Variants in PTP4A2 observed in about 807,000 individuals in gnomAD.
PTP4A2 encodes protein tyrosine phosphatase 4A2.
A neutral mutation model predicts 22.9 loss-of-function variants in PTP4A2; 2 were observed. That is an observed-to-expected ratio of 0.09 (90% CI 0.04 to 0.27). The LOEUF is 0.27. Ranked by LOEUF, PTP4A2 falls within the 10% of genes least tolerant of loss-of-function variation. The pLI is 1.00. For missense variants in PTP4A2, 103 were observed against 205.1 expected (o/e 0.50, Z 3.04); for synonymous variants, 68 against 69.1 (o/e 0.98, Z 0.08).
chr1:31,907,529 T>A lies in PTP4A2; in HGVS notation c.*1323A>T, dbSNP rs1196684615. The A allele has an allele frequency of 6.6e-6, 1 of 152,144 alleles. No individual in the cohort carries two copies. Among genetic ancestry groups the A allele is most frequent in the Non-Finnish European group, 1.5e-5 (1 of 68,032 alleles). The allele number at this position is 152,144 out of a possible 1,614,324, so 9.4% of individuals were successfully genotyped here. A position where few individuals can be genotyped will look rare whatever the true frequency, so the allele number is the denominator to read the frequency against. On this transcript the variant is annotated 3_prime_UTR_variant, in exon 6 of 6. Transcript: ENST00000647444. The stretch of plus-strand genomic sequence containing the variant: ...TACCCTGTTATGGCCTGTGGACACA[T>A]ACTCACTAGGCATCATTGTTGGTTT...
intron 1 of PTP4A2, among the ~76,000 whole-genome samples, chr1:31,920,781 G>A (rs978889551): frequency 6.6e-6 from 1 of 151,862 alleles, no homozygotes. Flanking sequence ...CAGGTGATTC[G>A]CTTGCCTAGG....
At chr1:31,914,204 C>G (rs780371277) in intron 3 of PTP4A2, 1 of 450,108 alleles carries the variant, frequency 2.2e-6, no homozygotes, top group South Asian at 1.6e-5. Flanking sequence ...GTAGCTAGGA[C>G]TATAGGTGCA....
intron 1 of PTP4A2, chr1:31,921,291 A>G (rs930513444): frequency 5.3e-5 from 8 of 152,226 alleles, no homozygotes; most frequent in African/African-American, 1.9e-4. Flanking sequence ...CTGAGCCCAA[A>G]TTCAAACCCA....
chr1:31,916,294 G>C (rs568863491), intron 2 of PTP4A2, among the ~76,000 whole-genome samples: 1 of 132,482 alleles, frequency 7.5e-6, no homozygotes, highest in African/African-American at 2.9e-5. Context: ...GCAGTGAGCC[G>C]AGATCGTGCC....
intron 5 of PTP4A2, 105 bp from the exon 6 acceptor site, chr1:31,909,065 A>G: frequency 1.2e-6 from 1 of 806,426 alleles, no homozygotes; most frequent in East Asian, 2.5e-5. Flanking sequence ...CACACAGCTG[A>G]AAACCAGCAT....
At chr1:31,921,160 T>A (rs987603843) in intron 1 of PTP4A2, among the ~76,000 whole-genome samples, 2 of 152,190 alleles carry the variant, frequency 1.3e-5, no homozygotes, top group African/African-American at 4.8e-5. Flanking sequence ...ATTGATTTTT[T>A]AAAAATCATT....
chr1:31,917,059 A>T (rs1197059443), intron 2 of PTP4A2, among the ~76,000 whole-genome samples: 1 of 152,262 alleles, frequency 6.6e-6, no homozygotes, highest in Non-Finnish European at 1.5e-5. Flanking sequence ...TCCCTAACCC[A>T]GTGACTACCT....
chr1:31,923,398 G>T (rs1272561732), intron 1 of PTP4A2, among the ~76,000 whole-genome samples: 122 of 140,454 alleles, frequency 8.7e-4, no homozygotes, highest in Admixed American at 4.6e-3. Flanking sequence ...GCAGTGGCGC[G>T]ATCTCGGCTC....
At chr1:31,928,725 A>T (rs1274067767) in intron 1 of PTP4A2, among the ~76,000 whole-genome samples, 1 of 149,914 alleles carries the variant, frequency 6.7e-6, no homozygotes, top group African/African-American at 2.5e-5. Context: ...AAAAAATTTC[A>T]TAGTTACTCC....
At chr1:31,934,793 T>C (rs1024892342) in intron 1 of PTP4A2, among the ~76,000 whole-genome samples, 31 of 152,342 alleles carry the variant, frequency 2.0e-4, no homozygotes, top group African/African-American at 6.7e-4. Flanking sequence ...TGCTACAAAG[T>C]TCAATGATGT....
Position 31,930,114 on chromosome 1 carries a change from G to A in PTP4A2, c.-594+7873C>T, listed in dbSNP as rs1387104980. On this transcript the variant is annotated intron_variant, in intron 1 of 5. Transcript: ENST00000647444. ...AGCACTTTGGGAGGCCAAGGCGGGC[G>A]GATCACGAGGTCAGCAGATCGAGAC... 5.9e-5 allele frequency among the ~76,000 whole-genome samples: 9 copies of A among 152,120 alleles called. No homozygotes were observed. In the South Asian group the frequency reaches 8.3e-4, roughly 14 times the overall value.
At chr1:31,913,924 G>C (rs969386070) in intron 3 of PTP4A2, 8 of 454,264 alleles carry the variant, frequency 1.8e-5, no homozygotes, top group Non-Finnish European at 3.1e-5. Flanking sequence ...GCTTATTTTC[G>C]GAAGTTTAAA....
chr1:31,914,130 A>G (rs777866005), intron 3 of PTP4A2: 18 of 391,652 alleles, frequency 4.6e-5, no homozygotes. Context: ...ACAGCAGCAC[A>G]ATCATGGCTC....
chr1:31,928,165 A>ATT (rs1191211995), intron 1 of PTP4A2, among the ~76,000 whole-genome samples: 1 of 147,704 alleles, frequency 6.8e-6, no homozygotes, highest in Non-Finnish European at 1.5e-5. Context: ...TTAATATTAT[A>ATT]TTATATATAA....
At chr1:31,937,452 G>C (rs545731994) in intron 1 of PTP4A2, among the ~76,000 whole-genome samples, 1 of 151,686 alleles carries the variant, frequency 6.6e-6, no homozygotes. Context: ...CCTCTAGGAT[G>C]CCTGCTCACA....
At chr1:31,924,941 A>G (rs768768213) in intron 1 of PTP4A2, among the ~76,000 whole-genome samples, 5 of 152,244 alleles carry the variant, frequency 3.3e-5, no homozygotes, top group Non-Finnish European at 5.9e-5. Context: ...AAAAGAAAAC[A>G]TCTGTATGAA....
In PTP4A2 at chr1:31,907,993, A is replaced by C. The variant is rs1651267411; in HGVS notation, c.*859T>G. On this transcript the variant is annotated 3_prime_UTR_variant, in exon 6 of 6. Transcript: ENST00000647444. Reference sequence around the variant, plus strand: ...CCTCTTAAAATGCCATTTCTCCACTAATTTATCAAAATAAAAACAAAACAA... The same window carrying C: ...CCTCTTAAAATGCCATTTCTCCACTCATTTATCAAAATAAAAACAAAACAA... The C allele has an allele frequency of 6.7e-6, 1 of 149,666 alleles. No homozygotes were observed. The highest frequency in any genetic ancestry group is 1.5e-5 in the Non-Finnish European group (1 of 67,552). 9.3% of individuals were successfully genotyped at this position (149,666 alleles called of 1,614,324 possible).
intron 3 of PTP4A2, among the ~76,000 whole-genome samples, chr1:31,912,775 T>G (rs1380852770): frequency 6.6e-6 from 1 of 152,138 alleles, no homozygotes; most frequent in Non-Finnish European, 1.5e-5. Context: ...TAAGGACACT[T>G]TAAGATATTA....
chr1:31,913,708 A>T (rs1372406872), intron 3 of PTP4A2: 1 of 415,536 alleles, frequency 2.4e-6, no homozygotes, highest in Non-Finnish European at 4.7e-6. Context: ...AAGGCCTGGA[A>T]TAAATCTTAG....
Sources: gnomAD v4.1 joint callset for allele counts (sites outside exome capture counted in the v4.1 genomes callset) on GRCh38, gnomAD v4.1.1 for gene constraint, MANE v1.5 for transcripts, NCBI Gene and HGNC (gene_info 2026-07-23, HGNC 2026-07-21) for gene names.